Variants in PLEKHA6 observed in about 807,000 individuals in gnomAD.
PLEKHA6 encodes pleckstrin homology domain-containing family A member 6.
Under a neutral mutation model 116.7 loss-of-function variants are expected in PLEKHA6, and 60 were observed. The observed-to-expected ratio is 0.51, with a 90% CI of 0.42 to 0.64. The LOEUF (loss-of-function observed/expected upper bound fraction) is 0.64, where lower values mean the gene tolerates loss of function less well. Among genes scored for constraint, PLEKHA6 ranks in the 30% least tolerant of loss-of-function variants. The probability of loss-of-function intolerance (pLI) is 0.00; values close to 1 mark genes in which losing one functional copy is unlikely to be tolerated. For synonymous variants in PLEKHA6, 489 were observed against 556.1 expected (o/e 0.88, Z 1.70); for missense variants, 1,338 against 1,422.7 (o/e 0.94, Z 0.96).
chr1:204,257,739 A>T lies in PLEKHA6; in HGVS notation c.1138T>A (p.Tyr380Asn). Residue 380 changes from tyrosine (Y) to asparagine (N), a missense_variant, in exon 9 of 23, where the codon TAT becomes AAT. Tyr to Asn is a moderately radical substitution (Grantham distance 143). Coordinates refer to ENST00000272203, the MANE Select transcript of PLEKHA6 (RefSeq NM_014935.5). This position sits in a 1 kb window ranked among gnomAD's most constrained non-coding sequence, Gnocchi z 6.5. ...RPESICSMPAYDRISPPWALE... is the reference protein window; with the variant it reads ...RPESICSMPANDRISPPWALE... ...GCCCAGGGCGGGCTGATCCGATCAT[A>T]GGCCGGCATGGAACAGATGCTCTCC... 6.2e-7 allele frequency: 1 copy of T among 1,613,550 alleles called. No individual in the cohort carries two copies. Among genetic ancestry groups the T allele is most frequent in the East Asian group, 2.2e-5 (1 of 44,876 alleles).
At chr1:204,315,062 C>T (rs1353696990) in intron 1 of PLEKHA6, among the ~76,000 whole-genome samples, 2 of 152,306 alleles carry the variant, frequency 1.3e-5, no homozygotes, top group East Asian at 1.9e-4. Flanking sequence ...CCCTGTCCAG[C>T]TGTTTTCCAG....
intron 1 of PLEKHA6, among the ~76,000 whole-genome samples, chr1:204,376,321 T>C (rs998326883): frequency 1.3e-5 from 2 of 152,206 alleles, no homozygotes; most frequent in Non-Finnish European, 2.9e-5. Context: ...TCTCCTGAGG[T>C]AGGGCTCAGG....
At chr1:204,240,628 A>G (rs1662676698) in intron 17 of PLEKHA6, among the ~76,000 whole-genome samples, 2 of 152,190 alleles carry the variant, frequency 1.3e-5, no homozygotes, top group Admixed American at 6.5e-5. Context: ...TTCCTGTTGT[A>G]CAAAGGATAG....
chr1:204,347,112 T>C (rs1673087504), intron 1 of PLEKHA6: 3 of 1,192,874 alleles, frequency 2.5e-6, no homozygotes, highest in African/African-American at 1.5e-5. Flanking sequence ...GCATTCCTTT[T>C]TGAACAGTAC....
rs116080361 is a variant in PLEKHA6, at chr1:204,321,143, C to T, written c.-95+38551G>A. ...CACAAGGATGGTAGAGGGAGTCAGG[C>T]AACATCACCAGGACTGTCCACTACA... On this transcript the variant is annotated intron_variant, in intron 1 of 22. Coordinates refer to ENST00000272203, the MANE Select transcript of PLEKHA6 (RefSeq NM_014935.5). 4.0e-3 allele frequency among the ~76,000 whole-genome samples: 607 copies of T among 152,156 alleles called. 4 individuals are homozygous for T. Among genetic ancestry groups the T allele is most frequent in the African/African-American group, 0.014 (570 of 41,486 alleles).
At chr1:204,264,865 C>T in intron 6 of PLEKHA6, 77 bp downstream of exon 6, 1 of 1,051,450 alleles carries the variant, frequency 9.5e-7, no homozygotes, top group Admixed American at 1.7e-5. Flanking sequence ...TGGCTCTTGG[C>T]CCTTCTCCAT....
chr1:204,258,859 G>A (rs369379323), intron 8 of PLEKHA6, among the ~76,000 whole-genome samples: 17 of 152,356 alleles, frequency 1.1e-4, no homozygotes, highest in African/African-American at 4.1e-4. Flanking sequence ...CTGGCAGTTA[G>A]TGAGTCTCAA....
In PLEKHA6 at chr1:204,228,723, G is replaced by A; in HGVS notation, c.2885+5C>T. The A allele has an allele frequency of 6.2e-7, 1 of 1,613,558 alleles. No homozygotes were observed. The highest frequency in any genetic ancestry group is 1.1e-5 in the South Asian group (1 of 91,064). ...AGGAAGTAGAGGCTCACCCAGGCTGGTTACCTGGATTTGGCAATGAGTGTC... is the reference window on the plus strand; with the variant it reads ...AGGAAGTAGAGGCTCACCCAGGCTGATTACCTGGATTTGGCAATGAGTGTC... On this transcript the variant is annotated splice_donor_5th_base_variant and intron_variant, in intron 20 of 22. Transcript: ENST00000272203. The surrounding 1 kb of genome is among the most constrained non-coding windows in gnomAD (Gnocchi z 4.0).
intron 17 of PLEKHA6, among the ~76,000 whole-genome samples, chr1:204,231,857 T>C (rs4245723): frequency 0.52 from 78,674 of 152,082 alleles, 20,993 homozygotes; most frequent in African/African-American, 0.66. Context: ...TGAGCCACCA[T>C]GCCTGGTCTG....
At chr1:204,311,038 A>G (rs1458725991) in intron 1 of PLEKHA6, among the ~76,000 whole-genome samples, 1 of 152,102 alleles carries the variant, frequency 6.6e-6, no homozygotes, top group Non-Finnish European at 1.5e-5. Context: ...AGCCTCCCAC[A>G]TTTTGGAGGG....
At chr1:204,239,924 T>C (rs551449576) in intron 17 of PLEKHA6, among the ~76,000 whole-genome samples, 1 of 152,318 alleles carries the variant, frequency 6.6e-6, no homozygotes, top group South Asian at 2.1e-4. Context: ...CCTTTTCCCA[T>C]GACATTATGT....
chr1:204,266,035 A>G (rs987538010), intron 5 of PLEKHA6, among the ~76,000 whole-genome samples: 1 of 152,012 alleles, frequency 6.6e-6, no homozygotes, highest in Non-Finnish European at 1.5e-5. Context: ...CAGGCTGGGG[A>G]CTCTGAAAAG....
At chr1:204,266,531 T>C (rs1296659028) in intron 5 of PLEKHA6, among the ~76,000 whole-genome samples, 5 of 152,172 alleles carry the variant, frequency 3.3e-5, no homozygotes, top group Non-Finnish European at 7.3e-5. Flanking sequence ...CAGATTCCTC[T>C]CCCTGAGTCT....
chr1:204,245,324 G>A (rs995755651), intron 14 of PLEKHA6, among the ~76,000 whole-genome samples: 1 of 151,976 alleles, frequency 6.6e-6, no homozygotes, highest in Non-Finnish European at 1.5e-5. Flanking sequence ...TCACAAGTGG[G>A]CCCATGTGCT....
Position 204,261,958 on chromosome 1 carries a change from A to C in PLEKHA6, c.382-510T>G. 6.1e-6 allele frequency: 1 copy of C among 164,590 alleles called. No homozygotes were observed. The highest frequency in any genetic ancestry group is 1.3e-5 in the Non-Finnish European group (1 of 76,440). The allele number at this position is 164,590 out of a possible 1,614,324, so 10.2% of individuals were successfully genotyped here. On this transcript the variant is annotated intron_variant, in intron 6 of 22. Coordinates refer to ENST00000272203, the MANE Select transcript of PLEKHA6 (RefSeq NM_014935.5). This position sits in a 1 kb window ranked among gnomAD's most constrained non-coding sequence, Gnocchi z 4.0. ...CACTGGCATACAGATGGGGCACACT[A>C]CCTAGTTGGTGGCTGCGAGCAGGTA...
chr1:204,351,934 C>G (rs750746069), intron 1 of PLEKHA6, among the ~76,000 whole-genome samples: 1 of 152,166 alleles, frequency 6.6e-6, no homozygotes, highest in African/African-American at 2.4e-5. Context: ...ATTAGCCAGG[C>G]GTGGTGGTGC....
At chr1:204,275,225 T>G (rs1667878401) in intron 1 of PLEKHA6, among the ~76,000 whole-genome samples, 1 of 152,162 alleles carries the variant, frequency 6.6e-6, no homozygotes, top group South Asian at 2.1e-4. Context: ...CCCCCATTAT[T>G]TGCTGAAAAA....
At chr1:204,258,021 T>C (rs543256647) in intron 8 of PLEKHA6, 152 bp from the exon 9 acceptor site, 15 of 667,118 alleles carry the variant, frequency 2.2e-5, no homozygotes, top group African/African-American at 1.3e-4. Flanking sequence ...GAAAGACTCC[T>C]GTCCTCACAG....
At chr1:204,346,443 C>A (rs1348457222) in intron 1 of PLEKHA6, among the ~76,000 whole-genome samples, 1 of 151,996 alleles carries the variant, frequency 6.6e-6, no homozygotes, top group African/African-American at 2.4e-5. Context: ...CTCTGAGCCA[C>A]CACAAATGAG....
Sources: gnomAD v4.1 joint callset for allele counts (sites outside exome capture counted in the v4.1 genomes callset) on GRCh38, gnomAD v4.1.1 for gene constraint, Gnocchi (gnomAD v3.1) non-coding constraint, MANE v1.5 for transcripts, NCBI Gene and HGNC (gene_info 2026-07-23, HGNC 2026-07-21) for gene names.